Variants in VTCN1 observed in about 807,000 individuals in gnomAD.
VTCN1 encodes V-set domain containing T cell activation inhibitor 1.
Under a neutral mutation model 26.5 loss-of-function variants are expected in VTCN1, and 26 were observed. That is an observed-to-expected ratio of 0.98 (90% CI 0.72 to 1.36). VTCN1 has a LOEUF of 1.36. Among genes scored for constraint, VTCN1 ranks in the 40% most tolerant of loss-of-function variants. The probability of loss-of-function intolerance (pLI) is 0.00; values close to 1 mark genes in which losing one functional copy is unlikely to be tolerated. For synonymous variants in VTCN1, 116 were observed against 130.7 expected (o/e 0.89, Z 0.77); for missense variants, 298 against 337.7 (o/e 0.88, Z 0.92).
At chr1:117,187,097 G>A (rs1188763580) in intron 1 of VTCN1, among the ~76,000 whole-genome samples, 4 of 151,648 alleles carry the variant, frequency 2.6e-5, no homozygotes, top group African/African-American at 9.7e-5. Context: ...GACCAGCCTG[G>A]GCAACAAGGT....
intron 1 of VTCN1, among the ~76,000 whole-genome samples, chr1:117,178,376 C>A (rs1279827362): frequency 4.0e-5 from 6 of 150,668 alleles, no homozygotes. Flanking sequence ...CCTGCCTTAG[C>A]CTCCTGAGTA....
chr1:117,180,454 A>G (rs1336752086), intron 1 of VTCN1, among the ~76,000 whole-genome samples: 1 of 152,174 alleles, frequency 6.6e-6, no homozygotes, highest in South Asian at 2.1e-4. Flanking sequence ...CTCACTGCAG[A>G]GAAAAAAACA....
chr1:117,190,595 T>TAGTATA (rs1648196798), intron 1 of VTCN1, among the ~76,000 whole-genome samples: 1 of 152,164 alleles, frequency 6.6e-6, no homozygotes. Context: ...TCAGCCCTAC[T>TAGTATA]GACCAAAATC....
At chr1:117,148,039 T>C (rs1570934263) in intron 4 of VTCN1, among the ~76,000 whole-genome samples, 1 of 152,218 alleles carries the variant, frequency 6.6e-6, no homozygotes, top group African/African-American at 2.4e-5. Flanking sequence ...GAGATTGTTA[T>C]GGGTTACCAA....
At chr1:117,192,993 A>ATAT (rs1648320214) in intron 1 of VTCN1, among the ~76,000 whole-genome samples, 1 of 152,182 alleles carries the variant, frequency 6.6e-6, no homozygotes, top group East Asian at 1.9e-4. Context: ...ACAAAATAAC[A>ATAT]ACACAGCAAT....
intron 1 of VTCN1, among the ~76,000 whole-genome samples, chr1:117,198,251 A>G (rs1469892652): frequency 6.6e-6 from 1 of 152,190 alleles, no homozygotes; most frequent in Non-Finnish European, 1.5e-5. Flanking sequence ...AGTGATGTCA[A>G]AATGCCTACT....
In VTCN1 at chr1:117,170,171, G is replaced by A. The variant is rs1557866881; in HGVS notation, c.33C>T (p.Ser11=). The change falls in exon 2 of 6, where the codon AGC becomes AGT. Residue 11 remains serine, a splice_region_variant and synonymous_variant. Transcript: ENST00000369458. MASLGQILFW[S]IISIIIILAG... ...CCAGAATAATGATGATGCTAATTAT[G>A]CTACGGGAAGAGAGAGAGAAACAGA... 1 of 1,613,522 alleles carries A rather than the reference G, an allele frequency of 6.2e-7. No homozygotes were observed. The highest frequency in any genetic ancestry group is 8.5e-7 in the Non-Finnish European group (1 of 1,179,736).
intron 1 of VTCN1, among the ~76,000 whole-genome samples, chr1:117,201,608 T>C (rs1241971364): frequency 6.6e-6 from 1 of 152,206 alleles, no homozygotes; most frequent in African/African-American, 2.4e-5. Flanking sequence ...CATGAGTAAG[T>C]ACCCAAGAGA....
intron 4 of VTCN1, 136 bp downstream of exon 4, chr1:117,152,955 T>C (rs1651871329): frequency 2.0e-6 from 2 of 1,002,280 alleles, no homozygotes; most frequent in South Asian, 1.7e-5. Context: ...TCAACTGGAA[T>C]TGAGTGATCA....
chr1:117,210,790 C>T, intron 1 of VTCN1, 34 bp downstream of exon 1: 1 of 1,612,270 alleles, frequency 6.2e-7, no homozygotes, highest in Non-Finnish European at 8.5e-7. Flanking sequence ...CTGTTCCCTT[C>T]ACCCATAAGG....
intron 1 of VTCN1, among the ~76,000 whole-genome samples, chr1:117,207,311 A>T (rs910119679): frequency 8.5e-5 from 13 of 152,146 alleles, no homozygotes; most frequent in Non-Finnish European, 1.8e-4. Context: ...TAGTGATTTC[A>T]GATGAAACAG....
chr1:117,175,927 C>T lies in VTCN1; in HGVS notation c.33-5756G>A, dbSNP rs748039752. ...CTGGGATTACAGGCACGTGCCACCA[C>T]GCCCGGCTAATTTTTTATTTTTAGT... On this transcript the variant is annotated intron_variant, in intron 1 of 5. Transcript: ENST00000369458. The surrounding 1 kb of genome is among the most constrained non-coding windows in gnomAD (Gnocchi z 4.2). 3.3e-5 allele frequency among the ~76,000 whole-genome samples: 5 copies of T among 152,038 alleles called. No homozygotes were observed. The highest frequency in any genetic ancestry group is 9.7e-5 in the African/African-American group (4 of 41,382).
chr1:117,207,649 C>A (rs548534696), intron 1 of VTCN1, among the ~76,000 whole-genome samples: 2 of 152,266 alleles, frequency 1.3e-5, no homozygotes, highest in Non-Finnish European at 2.9e-5. Flanking sequence ...CAGGGAGCAT[C>A]CCCATCTGAA....
intron 1 of VTCN1, among the ~76,000 whole-genome samples, chr1:117,180,293 C>A (rs946981973): frequency 1.3e-5 from 2 of 152,152 alleles, no homozygotes; most frequent in Non-Finnish European, 2.9e-5. Flanking sequence ...TATAGCATCA[C>A]CCTGATTGCC....
chr1:117,176,157 C>T (rs6428685), intron 1 of VTCN1, among the ~76,000 whole-genome samples: 118,664 of 152,162 alleles, frequency 0.78, 47,237 homozygotes, highest in East Asian at 0.99. Context: ...GGCATAATGC[C>T]TCATTATATT....
intron 1 of VTCN1, among the ~76,000 whole-genome samples, chr1:117,208,368 C>G (rs1649201420): frequency 2.6e-5 from 4 of 152,160 alleles, no homozygotes; most frequent in African/African-American, 7.2e-5. Context: ...TTCTCTGGCT[C>G]AGAAACCCTC....
At chr1:117,202,509 T>G (rs1648838566) in intron 1 of VTCN1, among the ~76,000 whole-genome samples, 3 of 152,180 alleles carry the variant, frequency 2.0e-5, no homozygotes, top group Admixed American at 1.3e-4. Context: ...CTCAGCAATG[T>G]GGAGGTGATT....
At chr1:117,193,326 T>A (rs1450054327) in intron 1 of VTCN1, among the ~76,000 whole-genome samples, 1 of 152,126 alleles carries the variant, frequency 6.6e-6, no homozygotes, top group Admixed American at 6.6e-5. Context: ...ACAGATTTTT[T>A]AAAAAGATCC....
At chr1:117,204,648 T>A (rs1188328895) in intron 1 of VTCN1, among the ~76,000 whole-genome samples, 1 of 151,934 alleles carries the variant, frequency 6.6e-6, no homozygotes, top group Non-Finnish European at 1.5e-5. Context: ...GGGTGGATCA[T>A]GAGGTCAGGA....
Sources: gnomAD v4.1 joint callset for allele counts (sites outside exome capture counted in the v4.1 genomes callset) on GRCh38, gnomAD v4.1.1 for gene constraint, Gnocchi (gnomAD v3.1) non-coding constraint, MANE v1.5 for transcripts, NCBI Gene and HGNC (gene_info 2026-07-23, HGNC 2026-07-21) for gene names.